ANP32E: variants seen among roughly 807,000 people sequenced by gnomAD.
ANP32E encodes the protein acidic leucine-rich nuclear phosphoprotein 32 family member E.
ANP32E carries 14 observed loss-of-function variants against 35.3 expected under a neutral mutation model. That is an observed-to-expected ratio of 0.40 (90% CI 0.26 to 0.62). The LOEUF (loss-of-function observed/expected upper bound fraction) is 0.62, where lower values mean the gene tolerates loss of function less well. Ranked by LOEUF, ANP32E falls within the 20% of genes least tolerant of loss-of-function variation. The pLI is 0.45. For missense variants in ANP32E, 198 were observed against 304.4 expected, an observed-to-expected ratio of 0.65 and a Z score of 2.60; for synonymous variants, 89 against 110.4, an observed-to-expected ratio of 0.81 and a Z score of 1.22.
chr1:150,223,993 C>T (rs1648667027), intron 5 of ANP32E, among the ~76,000 whole-genome samples: 1 of 152,040 alleles, frequency 6.6e-6, no homozygotes, highest in South Asian at 2.1e-4. Flanking sequence ...GATCCGCCTG[C>T]CTCAGCCTCC....
In ANP32E at chr1:150,235,616, C is replaced by T; in HGVS notation, c.54+117G>A. ...ATTAAACATTTCCCCAACCCTAACC[C>T]GGGGGGATGGGGGCTAACTTATTAC... On this transcript the variant is annotated intron_variant, in intron 1 of 6. Coordinates refer to ENST00000583931, the MANE Select transcript of ANP32E (RefSeq NM_030920.5). This position sits in a 1 kb window ranked among gnomAD's most constrained non-coding sequence, Gnocchi z 4.2. 1.8e-6 allele frequency: 2 copies of T among 1,101,186 alleles called. No homozygotes were observed. The highest frequency in any genetic ancestry group is 2.7e-6 in the Non-Finnish European group (2 of 752,948). 68.2% of individuals were successfully genotyped at this position (1,101,186 alleles called of 1,614,324 possible). A position where few individuals can be genotyped will look rare whatever the true frequency, so the allele number is the denominator to read the frequency against.
intron 5 of ANP32E, among the ~76,000 whole-genome samples, chr1:150,225,819 G>A (rs1359512643): frequency 6.6e-6 from 1 of 152,068 alleles, no homozygotes; most frequent in Non-Finnish European, 1.5e-5. Flanking sequence ...CAGCACTGTG[G>A]AGAATACTCC....
chr1:150,223,831 C>T (rs60033047), intron 5 of ANP32E, among the ~76,000 whole-genome samples: 1 of 151,072 alleles, frequency 6.6e-6, no homozygotes, highest in Non-Finnish European at 1.5e-5. Context: ...CCGCAAACTC[C>T]GCCTCCCGGG....
chr1:150,220,473 A>T lies in ANP32E; in HGVS notation c.*218T>A, dbSNP rs1648250244. 19 of 473,314 alleles carry T rather than the reference A, an allele frequency of 4.0e-5. No individual in the cohort carries two copies. In the South Asian group the frequency reaches 5.3e-4, roughly 13 times the overall value. The allele number at this position is 473,314 out of a possible 1,614,324, so 29.3% of individuals were successfully genotyped here. The stretch of plus-strand genomic sequence containing the variant: ...TCTAAATAAATTGCTAGGGAATTCC[A>T]CAATGGGAGTCAATGAAAATTTTTC... On this transcript the variant is annotated 3_prime_UTR_variant, in exon 7 of 7. Coordinates refer to ENST00000583931, the MANE Select transcript of ANP32E (RefSeq NM_030920.5).
chr1:150,220,041 T>C lies in ANP32E; in HGVS notation c.*650A>G, dbSNP rs1648207883. On this transcript the variant is annotated 3_prime_UTR_variant, in exon 7 of 7. Transcript: ENST00000583931. Reference sequence around the variant, plus strand: ...TCTCTGGACTTAGTATAAGCAATTTTTCCTTCAAAAATAAAATCTTATCAG... The same window carrying C: ...TCTCTGGACTTAGTATAAGCAATTTCTCCTTCAAAAATAAAATCTTATCAG... The C allele has an allele frequency of 6.6e-6, 1 of 152,150 alleles. No homozygotes were observed. The highest frequency in any genetic ancestry group is 6.6e-5 in the Admixed American group (1 of 15,266). The allele number at this position is 152,150 out of a possible 1,614,324, so 9.4% of individuals were successfully genotyped here. A position where few individuals can be genotyped will look rare whatever the true frequency, so the allele number is the denominator to read the frequency against.
At chr1:150,225,996 T>A (rs1553839790) in intron 5 of ANP32E, among the ~76,000 whole-genome samples, 1 of 136,904 alleles carries the variant, frequency 7.3e-6, no homozygotes, top group Non-Finnish European at 1.5e-5. Context: ...CCTATGAGGT[T>A]GATATAACCT....
At chr1:150,226,068 C>G (rs1275019413) in intron 5 of ANP32E, among the ~76,000 whole-genome samples, 4 of 149,082 alleles carry the variant, frequency 2.7e-5, no homozygotes, top group Non-Finnish European at 5.9e-5. Context: ...TGCAGAGGCA[C>G]GATCTCAGCT....
At chr1:150,232,084 C>T (rs1168925213) in intron 1 of ANP32E, among the ~76,000 whole-genome samples, 158 bp from the exon 2 acceptor site, 4 of 152,110 alleles carry the variant, frequency 2.6e-5, no homozygotes, top group African/African-American at 9.7e-5. Flanking sequence ...GTGGCTCACG[C>T]CTGTAATCCC....
At chr1:150,226,565 C>A (rs1648890017) in intron 5 of ANP32E, 43 bp downstream of exon 5, 1 of 1,603,040 alleles carries the variant, frequency 6.2e-7, no homozygotes, top group African/African-American at 1.3e-5. Flanking sequence ...TACTCCTATG[C>A]CTAGAAATTA....
intron 2 of ANP32E, among the ~76,000 whole-genome samples, chr1:150,231,318 G>A (rs1338901928): frequency 6.6e-6 from 1 of 152,126 alleles, no homozygotes; most frequent in East Asian, 1.9e-4. Flanking sequence ...TTCTAGACCG[G>A]GCACAGAGGC....
At chr1:150,229,298 C>CTTTTTTTTTTTTTTT (rs368884324) in intron 3 of ANP32E, 61 bp from the exon 4 acceptor site, 2 of 431,590 alleles carry the variant, frequency 4.6e-6, no homozygotes, top group Non-Finnish European at 7.2e-6. Context: ...TTTCTTTTTT[C>CTTTTTTTTTTTTTTT]TTTTTTTTTT....
At chr1:150,230,003 T>C (rs916549451) in intron 3 of ANP32E, among the ~76,000 whole-genome samples, 10 of 152,228 alleles carry the variant, frequency 6.6e-5, no homozygotes, top group Non-Finnish European at 1.2e-4. Context: ...TGAAGGGTTA[T>C]TATATCAAGC....
In ANP32E at chr1:150,232,481, T is replaced by C. The variant is rs1649437706; in HGVS notation, c.55-555A>G. On this transcript the variant is annotated intron_variant, in intron 1 of 6. Transcript: ENST00000583931. The stretch of plus-strand genomic sequence containing the variant: ...CTTTTAAATTTCTTTTTTCTTTTTT[T>C]TTTTTTGTAGATGGAGTCTTGCTCT... Among the ~76,000 whole-genome samples the C allele has an allele frequency of 8.0e-5, 2 of 24,964 alleles. 1 individual carries two copies. 16.4% of individuals were successfully genotyped at this position (24,964 alleles called of 152,430 possible).
At chr1:150,232,211 G>A (rs1336695988) in intron 1 of ANP32E, among the ~76,000 whole-genome samples, 1 of 149,510 alleles carries the variant, frequency 6.7e-6, no homozygotes, top group Non-Finnish European at 1.5e-5. Flanking sequence ...GGGCGTAGTG[G>A]CGGGCGCCTG....
rs1553843004 is a variant in ANP32E, at chr1:150,235,373, G to C, written c.54+360C>G. On this transcript the variant is annotated intron_variant, in intron 1 of 6. Transcript: ENST00000583931. The surrounding 1 kb of genome is among the most constrained non-coding windows in gnomAD (Gnocchi z 4.2). ...CTGCGGCAGGGGCTGAGTGGGACTGGGGGGTCGCGCCCACGCCGCCGGCCC... is the reference window on the plus strand; with the variant it reads ...CTGCGGCAGGGGCTGAGTGGGACTGCGGGGTCGCGCCCACGCCGCCGGCCC... Among the ~76,000 whole-genome samples the C allele has an allele frequency of 6.6e-6, 1 of 152,164 alleles. No homozygotes were observed. Among genetic ancestry groups the C allele is most frequent in the Non-Finnish European group, 1.5e-5 (1 of 68,012 alleles).
intron 3 of ANP32E, among the ~76,000 whole-genome samples, chr1:150,230,002 A>G (rs1553841286): frequency 6.6e-6 from 1 of 152,210 alleles, no homozygotes; most frequent in Non-Finnish European, 1.5e-5. Flanking sequence ...ATGAAGGGTT[A>G]TTATATCAAG....
rs938833302 is a variant in ANP32E, at chr1:150,218,725, A to G, written c.*1966T>C. 3 of 152,592 alleles carry G rather than the reference A, an allele frequency of 2.0e-5. No homozygotes were observed. The East Asian group carries it at 5.8e-4, about 29-fold the overall frequency. The allele number at this position is 152,592 out of a possible 1,614,324, so 9.5% of individuals were successfully genotyped here. On this transcript the variant is annotated 3_prime_UTR_variant, in exon 7 of 7. Transcript: ENST00000583931. ...CAAAATATAAAACCCACCCTTACTT[A>G]TTTGCATGAAAATACCACCCACAAA...
intron 4 of ANP32E, among the ~76,000 whole-genome samples, chr1:150,227,806 T>TTTTTTTTTTTTTTG (rs1553840516): frequency 7.0e-6 from 1 of 142,370 alleles, no homozygotes; most frequent in Non-Finnish European, 1.6e-5. Context: ...AATTTCTTTT[T>TTTTTTTTTTTTTTG]ACGATGAAGA....
In ANP32E at chr1:150,235,418, G is replaced by A. The variant is rs587744364; in HGVS notation, c.54+315C>T. On this transcript the variant is annotated intron_variant, in intron 1 of 6. Coordinates refer to ENST00000583931, the MANE Select transcript of ANP32E (RefSeq NM_030920.5). The surrounding 1 kb of genome is among the most constrained non-coding windows in gnomAD (Gnocchi z 4.2). ...CGGCCCCCAGGAGGAGGAGTGCCGG[G>A]AGCGAAGCGGCGGAGCGCCCCCACC... Among the ~76,000 whole-genome samples, 21 of 152,312 alleles carry A rather than the reference G, an allele frequency of 1.4e-4. No homozygotes were observed. Among genetic ancestry groups the A allele is most frequent in the Admixed American group, 1.3e-3 (20 of 15,306 alleles).
Sources: gnomAD v4.1 joint callset for allele counts (sites outside exome capture counted in the v4.1 genomes callset) on GRCh38, gnomAD v4.1.1 for gene constraint, Gnocchi (gnomAD v3.1) non-coding constraint, MANE v1.5 for transcripts, NCBI Gene and HGNC (gene_info 2026-07-23, HGNC 2026-07-21) for gene names.